Variants in RFX8 observed in about 807,000 individuals in gnomAD.
The protein encoded by RFX8 is regulatory factor X8, also known as DNA-binding protein RFX8.
Under a neutral mutation model 54.6 loss-of-function variants are expected in RFX8, and 46 were observed. The observed-to-expected ratio is 0.84, with a 90% CI of 0.67 to 1.08. The LOEUF is 1.08. RFX8 is among the 50% of genes least tolerant of loss of function. RFX8 has a pLI of 0.00. For missense variants in RFX8, 536 were observed against 562.3 expected (o/e 0.95, Z 0.47); for synonymous variants, 192 against 209.5 (o/e 0.92, Z 0.72).
At chr2:101,419,654 G>A (rs1248323379) in intron 4 of RFX8, among the ~76,000 whole-genome samples, 1 of 152,158 alleles carries the variant, frequency 6.6e-6, no homozygotes, top group Non-Finnish European at 1.5e-5. Flanking sequence ...CAACCTTGTC[G>A]TATCTCCCCT....
intron 2 of RFX8, chr2:101,434,794 G>C (rs1687680924): frequency 6.6e-6 from 1 of 152,204 alleles, no homozygotes; most frequent in South Asian, 2.1e-4. Flanking sequence ...CCATAGGGTG[G>C]ACAAGGCCAA....
intron 2 of RFX8, chr2:101,428,942 T>G: frequency 1.3e-6 from 2 of 1,491,090 alleles, no homozygotes; most frequent in Non-Finnish European, 1.8e-6. Flanking sequence ...TAAATCTGTT[T>G]GATTAACACT....
chr2:101,469,030 ACGTATATATAT>A (rs1689758219), intron 1 of RFX8, among the ~76,000 whole-genome samples: 1 of 53,370 alleles, frequency 1.9e-5, no homozygotes, highest in Non-Finnish European at 4.1e-5. Context: ...ATATATATAT[ACGTATATATAT>A]GTATATATAT....
At chr2:101,468,921 T>C (rs1311316446) in intron 1 of RFX8, among the ~76,000 whole-genome samples, 1 of 147,546 alleles carries the variant, frequency 6.8e-6, no homozygotes. Context: ...ATCGATGGGA[T>C]GGTGGCATGG....
In RFX8 at chr2:101,397,644, T is replaced by C; in HGVS notation, c.1326A>G (p.Ile442Met). Residue 442 changes from isoleucine (I) to methionine (M), a missense_variant, in exon 12 of 12, where the codon ATA becomes ATG. Transcript: ENST00000428343. ...LSLPMGQEAL[I>M]TLKDGQQFVI... ...CAAATTGTTGTCCATCTTTTAGGGT[T>C]ATGAGGGCTTCTTGTCCCATAGGAA... The C allele has an allele frequency of 6.4e-7, 1 of 1,551,564 alleles. No homozygotes were observed. Among genetic ancestry groups the C allele is most frequent in the Non-Finnish European group, 8.7e-7 (1 of 1,146,896 alleles).
intron 7 of RFX8, among the ~76,000 whole-genome samples, chr2:101,414,385 T>C (rs1332488698): frequency 6.6e-6 from 1 of 151,956 alleles, no homozygotes; most frequent in Non-Finnish European, 1.5e-5. Flanking sequence ...CTCCTGCCTG[T>C]CTCCTGAGTA....
chr2:101,473,962 G>T (rs1056544798), intron 1 of RFX8, among the ~76,000 whole-genome samples: 1 of 152,228 alleles, frequency 6.6e-6, no homozygotes, highest in Non-Finnish European at 1.5e-5. Context: ...TGACAACGGG[G>T]AAGTCACAGA....
intron 1 of RFX8, among the ~76,000 whole-genome samples, chr2:101,469,932 TC>T (rs1271996919): frequency 2.0e-5 from 3 of 152,136 alleles, no homozygotes; most frequent in African/African-American, 7.2e-5. Flanking sequence ...TCCTGGCAGT[TC>T]CAAGAGATTC....
intron 2 of RFX8, among the ~76,000 whole-genome samples, chr2:101,462,675 T>G (rs1573482631): frequency 1.3e-5 from 1 of 75,450 alleles, no homozygotes; most frequent in Non-Finnish European, 3.3e-5. Context: ...ATTATTAATA[T>G]TACTATTATT....
chr2:101,407,898 C>T (rs1002145806), intron 9 of RFX8, among the ~76,000 whole-genome samples: 9 of 152,226 alleles, frequency 5.9e-5, no homozygotes, highest in Non-Finnish European at 1.0e-4. Flanking sequence ...TGCTCGCTGA[C>T]TGCCAGATGC....
intron 2 of RFX8, among the ~76,000 whole-genome samples, chr2:101,447,976 T>C (rs1345914816): frequency 6.6e-6 from 1 of 152,188 alleles, no homozygotes; most frequent in Non-Finnish European, 1.5e-5. Flanking sequence ...GGCAGAAGGA[T>C]GACAGAGATG....
At chr2:101,410,363 T>C in intron 9 of RFX8, among the ~76,000 whole-genome samples, 1 of 142,664 alleles carries the variant, frequency 7.0e-6, no homozygotes. Context: ...CCACACACAC[T>C]CCCACACACC....
intron 8 of RFX8, among the ~76,000 whole-genome samples, chr2:101,411,962 C>A (rs754453007): frequency 5.9e-5 from 9 of 152,168 alleles, no homozygotes; most frequent in Non-Finnish European, 1.0e-4. Flanking sequence ...CTGAAGTGCT[C>A]CTGTGGGCCA....
chr2:101,455,806 C>T (rs542812703), intron 2 of RFX8, among the ~76,000 whole-genome samples: 1 of 152,268 alleles, frequency 6.6e-6, no homozygotes, highest in South Asian at 2.1e-4. Flanking sequence ...TTACCTTGGG[C>T]AGTATGGCCA....
intron 10 of RFX8, among the ~76,000 whole-genome samples, chr2:101,405,626 G>A (rs547817341): frequency 6.6e-6 from 1 of 152,018 alleles, no homozygotes; most frequent in Non-Finnish European, 1.5e-5. Flanking sequence ...AACCCATTTT[G>A]TTCTCCATCT....
At chr2:101,414,375 C>G (rs1216356332) in intron 7 of RFX8, among the ~76,000 whole-genome samples, 1 of 152,080 alleles carries the variant, frequency 6.6e-6, no homozygotes. Flanking sequence ...TCAAGAGATT[C>G]TCCTGCCTGT....
intron 2 of RFX8, among the ~76,000 whole-genome samples, chr2:101,457,021 A>T (rs1396001055): frequency 6.6e-6 from 1 of 152,150 alleles, no homozygotes; most frequent in Non-Finnish European, 1.5e-5. Flanking sequence ...CTCTGACGGT[A>T]GTTTGTATTT....
intron 1 of RFX8, among the ~76,000 whole-genome samples, chr2:101,469,041 T>TATAG (rs577848709): frequency 1.9e-4 from 4 of 20,900 alleles, no homozygotes; most frequent in African/African-American, 6.3e-4. Context: ...CGTATATATA[T>TATAG]GTATATATAT....
intron 7 of RFX8, among the ~76,000 whole-genome samples, chr2:101,413,636 C>A (rs1686299898): frequency 6.6e-6 from 1 of 152,152 alleles, no homozygotes; most frequent in Non-Finnish European, 1.5e-5. Context: ...TTACAGAGGA[C>A]ACAGAGGGCT....
Sources: allele counts gnomAD v4.1 joint callset (sites outside exome capture counted in the v4.1 genomes callset), GRCh38; gene constraint gnomAD v4.1.1; transcripts MANE v1.5; gene names NCBI Gene and HGNC (gene_info 2026-07-23, HGNC 2026-07-21).